The following TNFRSF8 variants were observed in gnomAD, a reference collection of about 807,000 sequenced individuals.
TNFRSF8 encodes the protein tumor necrosis factor receptor superfamily member 8.
Under a neutral mutation model 70.8 loss-of-function variants are expected in TNFRSF8, and 26 were observed. That is an observed-to-expected ratio of 0.37 (90% CI 0.27 to 0.51). The LOEUF (loss-of-function observed/expected upper bound fraction) is 0.51, where lower values mean the gene tolerates loss of function less well. Among genes scored for constraint, TNFRSF8 ranks in the 20% least tolerant of loss-of-function variants. The pLI, the probability that TNFRSF8 is intolerant of heterozygous loss-of-function variation, is 0.94. For synonymous variants in TNFRSF8, 356 were observed against 339.2 expected (o/e 1.05, Z -0.54); for missense variants, 720 against 807.9 (o/e 0.89, Z 1.32).
At chr1:12,123,155 C>T in intron 8 of TNFRSF8, 129 bp from the exon 9 acceptor site, 1 of 721,872 alleles carries the variant, frequency 1.4e-6, no homozygotes, top group Admixed American at 3.0e-5. Flanking sequence ...TCTTTTGAAA[C>T]ACAAATCTGA....
intron 2 of TNFRSF8, among the ~76,000 whole-genome samples, chr1:12,093,121 T>C (rs1022704160): frequency 3.0e-4 from 46 of 152,260 alleles, no homozygotes; most frequent in Admixed American, 2.0e-4. Context: ...CCCCTTTTCA[T>C]GAGAACACCG....
intron 1 of TNFRSF8, chr1:12,077,911 A>G (rs1371628076): frequency 6.6e-6 from 1 of 150,878 alleles, no homozygotes; most frequent in Non-Finnish European, 1.5e-5. Context: ...GAATTTCCGT[A>G]TCATCCTTAT....
At chr1:12,078,433 A>G (rs1641004859) in intron 1 of TNFRSF8, among the ~76,000 whole-genome samples, 1 of 152,126 alleles carries the variant, frequency 6.6e-6, no homozygotes, top group Non-Finnish European at 1.5e-5. Context: ...GTGTGGTGCC[A>G]AGCGCCTGCA....
At chr1:12,064,571 G>T (rs1031816572) in intron 1 of TNFRSF8, among the ~76,000 whole-genome samples, 1 of 152,146 alleles carries the variant, frequency 6.6e-6, no homozygotes, top group Non-Finnish European at 1.5e-5. Flanking sequence ...GGGTCACGGT[G>T]GGGGAGAGGG....
In TNFRSF8 at chr1:12,112,258, A is replaced by G. The variant is rs1205571491; in HGVS notation, c.793+244A>G. 6.6e-6 allele frequency among the ~76,000 whole-genome samples: 1 copy of G among 152,036 alleles called. No individual in the cohort carries two copies. Among genetic ancestry groups the G allele is most frequent in the East Asian group, 1.9e-4 (1 of 5,176 alleles). On this transcript the variant is annotated intron_variant, in intron 7 of 14. Coordinates refer to ENST00000263932, the MANE Select transcript of TNFRSF8 (RefSeq NM_001243.5). This position sits in a 1 kb window ranked among gnomAD's most constrained non-coding sequence, Gnocchi z 5.3. ...CAAGCATTGTGATCATTCCCCTTTTACAGAGGAGGAAACGGAGGCTTTGGG... is the reference window on the plus strand; with the variant it reads ...CAAGCATTGTGATCATTCCCCTTTTGCAGAGGAGGAAACGGAGGCTTTGGG...
chr1:12,141,531 C>G lies in TNFRSF8; in HGVS notation c.1544-756C>G, dbSNP rs1232035550. Among the ~76,000 whole-genome samples, 1 of 152,252 alleles carries G rather than the reference C, an allele frequency of 6.6e-6. No homozygotes were observed. Among genetic ancestry groups the G allele is most frequent in the Non-Finnish European group, 1.5e-5 (1 of 68,048 alleles). Reference sequence around the variant, plus strand: ...CAGGAGACCGGCTGTGAGCAGTAAGCCCCGAAATTCACGGCCTGAGCCAGG... The same window carrying G: ...CAGGAGACCGGCTGTGAGCAGTAAGGCCCGAAATTCACGGCCTGAGCCAGG... On this transcript the variant is annotated intron_variant, in intron 14 of 14. Coordinates refer to ENST00000263932, the MANE Select transcript of TNFRSF8 (RefSeq NM_001243.5). The surrounding 1 kb of genome is among the most constrained non-coding windows in gnomAD (Gnocchi z 5.4).
intron 10 of TNFRSF8, among the ~76,000 whole-genome samples, chr1:12,125,138 A>C (rs1641914765): frequency 6.6e-6 from 1 of 152,256 alleles, no homozygotes; most frequent in African/African-American, 2.4e-5. Context: ...ACGTTTGAGA[A>C]GCACTTAACT....
At position 12,126,179 on chromosome 1, in the gene TNFRSF8, T is replaced by C; in HGVS notation, c.1256-4T>C. ...CCCCAGCCTTCCTCCTGGTGTCGTT[T>C]CAGAGCTCCACCTGTGCTACCCGGT... is the stretch of plus-strand genomic sequence containing the variant. On this transcript the variant is annotated splice_region_variant and splice_polypyrimidine_tract_variant and intron_variant, in intron 11 of 14. Coordinates refer to ENST00000263932, the MANE Select transcript of TNFRSF8 (RefSeq NM_001243.5). 1 of 1,614,102 alleles carries C rather than the reference T, an allele frequency of 6.2e-7. No individual in the cohort carries two copies. Among genetic ancestry groups the C allele is most frequent in the Non-Finnish European group, 8.5e-7 (1 of 1,180,008 alleles).
chr1:12,078,270 G>A (rs1376611692), intron 1 of TNFRSF8, among the ~76,000 whole-genome samples: 1 of 152,030 alleles, frequency 6.6e-6, no homozygotes, highest in African/African-American at 2.4e-5. Context: ...ATTTCAAAAA[G>A]CAGTCAGTCT....
rs1318773061 is a variant in TNFRSF8, at chr1:12,142,366, G to A, written c.1623G>A (p.Ala541=). 8 of 1,610,018 alleles carry A rather than the reference G, an allele frequency of 5.0e-6. No individual in the cohort carries two copies. The Admixed American group carries it at 5.0e-5, about 10-fold the overall frequency. ...KAELPEGRGL[A]GPAEPELEEE... ...AGCTGCCGGAGGGCCGGGGCCTGGCGGGGCCAGCAGAGCCCGAGTTGGAGG... is the reference window on the plus strand; with the variant it reads ...AGCTGCCGGAGGGCCGGGGCCTGGCAGGGCCAGCAGAGCCCGAGTTGGAGG... The change falls in exon 15 of 15, where the codon GCG becomes GCA. Residue 541 remains alanine (A), a synonymous_variant. Coordinates refer to ENST00000263932, the MANE Select transcript of TNFRSF8 (RefSeq NM_001243.5). This position sits in a 1 kb window ranked among gnomAD's most constrained non-coding sequence, Gnocchi z 5.0.
At chr1:12,123,515 A>G in intron 9 of TNFRSF8, 138 bp downstream of exon 9, 3 of 960,522 alleles carry the variant, frequency 3.1e-6, no homozygotes, top group South Asian at 3.3e-5. Context: ...ATGTGTGCCC[A>G]TCTCTTTGCT....
chr1:12,138,603 C>T lies in TNFRSF8; in HGVS notation c.1543+167C>T, dbSNP rs183424382. 2.2e-4 allele frequency among the ~76,000 whole-genome samples: 33 copies of T among 152,296 alleles called. No individual in the cohort carries two copies. Among genetic ancestry groups the T allele is most frequent in the Non-Finnish European group, 2.9e-4 (20 of 68,018 alleles). ...TTGAAGTTTCTGTAAGTAGGGACAG[C>T]GAGGGTACTTACCTCGTAGGCCATT... is the stretch of plus-strand genomic sequence containing the variant. On this transcript the variant is annotated intron_variant, in intron 14 of 14. Transcript: ENST00000263932. The surrounding 1 kb of genome is among the most constrained non-coding windows in gnomAD (Gnocchi z 5.7).
intron 12 of TNFRSF8, among the ~76,000 whole-genome samples, chr1:12,131,470 CAAAA>C (rs369453561): frequency 2.0e-5 from 3 of 151,012 alleles, no homozygotes; most frequent in Non-Finnish European, 4.4e-5. Context: ...AACAAACAAA[CAAAA>C]AAACATTCTA....
rs1358538025 is a variant in TNFRSF8 at position 12,108,684 on chromosome 1, G to C, written c.422-882G>C. On this transcript the variant is annotated intron_variant, in intron 4 of 14. Transcript: ENST00000263932. The surrounding 1 kb of genome is among the most constrained non-coding windows in gnomAD (Gnocchi z 4.0). The stretch of plus-strand genomic sequence containing the variant: ...AAAAATTAGCCGGGCGTGGTTGCAG[G>C]CACCTGTAATCCCAGCTACTCAGGA... Among the ~76,000 whole-genome samples, 2 of 152,150 alleles carry C rather than the reference G, an allele frequency of 1.3e-5. No individual in the cohort carries two copies. Among genetic ancestry groups the C allele is most frequent in the African/African-American group, 4.8e-5 (2 of 41,442 alleles).
In TNFRSF8 at chr1:12,112,411, A is replaced by G. The variant is rs918098443; in HGVS notation, c.793+397A>G. 4.7e-5 allele frequency among the ~76,000 whole-genome samples: 7 copies of G among 149,930 alleles called. No individual in the cohort carries two copies. Among genetic ancestry groups the G allele is most frequent in the African/African-American group, 1.7e-4 (7 of 40,552 alleles). ...CTTATTCTTTTTTTTTTTTTCCCAGACAGGGTCTCACTCCTTCACCCAAGC... is the reference window on the plus strand; with the variant it reads ...CTTATTCTTTTTTTTTTTTTCCCAGGCAGGGTCTCACTCCTTCACCCAAGC... On this transcript the variant is annotated intron_variant, in intron 7 of 14. Coordinates refer to ENST00000263932, the MANE Select transcript of TNFRSF8 (RefSeq NM_001243.5). The surrounding 1 kb of genome is among the most constrained non-coding windows in gnomAD (Gnocchi z 5.3).
At chr1:12,131,503 GTTT>G in intron 12 of TNFRSF8, among the ~76,000 whole-genome samples, 1 of 11,168 alleles carries the variant, frequency 9.0e-5, no homozygotes, top group Non-Finnish European at 1.6e-4. Context: ...TCATTTTTAA[GTTT>G]TTTGTTTTTT....
chr1:12,079,594 G>T (rs867257401), intron 1 of TNFRSF8, among the ~76,000 whole-genome samples: 11 of 152,202 alleles, frequency 7.2e-5, no homozygotes, highest in Middle Eastern at 6.3e-3. Context: ...CCGGGAGCTG[G>T]GACAGGTGAA....
At chr1:12,118,801 C>T (rs1427302256) in intron 8 of TNFRSF8, among the ~76,000 whole-genome samples, 1 of 152,186 alleles carries the variant, frequency 6.6e-6, no homozygotes, top group African/African-American at 2.4e-5. Context: ...CAGCAGAGGG[C>T]GCTAGAGGGC....
chr1:12,114,610 C>T (rs1641692617), intron 7 of TNFRSF8, among the ~76,000 whole-genome samples: 1 of 151,458 alleles, frequency 6.6e-6, no homozygotes, highest in African/African-American at 2.4e-5. Flanking sequence ...CAAAATATTC[C>T]CGAATACGTA....
Sources: allele counts gnomAD v4.1 joint callset (sites outside exome capture counted in the v4.1 genomes callset), GRCh38; gene constraint gnomAD v4.1.1; non-coding constraint Gnocchi (gnomAD v3.1); transcripts MANE v1.5; gene names NCBI Gene and HGNC (gene_info 2026-07-23, HGNC 2026-07-21).